NAALAD2: variants seen among roughly 807,000 people sequenced by gnomAD.
The protein encoded by NAALAD2 is N-acetylated-alpha-linked acidic dipeptidase 2.
NAALAD2 carries 89 observed loss-of-function variants against 95.6 expected under a neutral mutation model. That is an observed-to-expected ratio of 0.93 (90% CI 0.78 to 1.11). The LOEUF is 1.11. Ranked by LOEUF, NAALAD2 falls within the 50% of genes least tolerant of loss-of-function variation. The pLI is 0.00. For missense variants in NAALAD2, 894 were observed against 872.4 expected (o/e 1.02, Z -0.31); for synonymous variants, 264 against 294.4 (o/e 0.90, Z 1.06).
chr11:90,169,237 G>T, intron 12 of NAALAD2: 1 of 335,848 alleles, frequency 3.0e-6, no homozygotes, highest in Non-Finnish European at 5.3e-6. Flanking sequence ...TAATTTCTTT[G>T]ATATATTTAC....
At position 90,192,223 on chromosome 11, in the gene NAALAD2, A is replaced by G. The variant is rs759858135; in HGVS notation, c.*476A>G. On this transcript the variant is annotated 3_prime_UTR_variant, in exon 19 of 19. Coordinates refer to ENST00000534061, the MANE Select transcript of NAALAD2 (RefSeq NM_005467.4). ...CAACTTAAAAGCGTAAAAACCCCAAATGTCCATCCACAGACGAATGTATAA... is the reference window on the plus strand; with the variant it reads ...CAACTTAAAAGCGTAAAAACCCCAAGTGTCCATCCACAGACGAATGTATAA... 6.6e-6 allele frequency: 1 copy of G among 152,076 alleles called. No homozygotes were observed. The highest frequency in any genetic ancestry group is 1.5e-5 in the Non-Finnish European group (1 of 67,934). 9.4% of individuals were successfully genotyped at this position (152,076 alleles called of 1,614,324 possible).
rs780552643 is a variant in NAALAD2, at chr11:90,191,686, A to G, written c.2162A>G (p.His721Arg). Residue 721 changes from histidine (H) to arginine (R), a missense_variant, in exon 19 of 19, where the codon CAT becomes CGT. By Grantham distance (29) the His-to-Arg change is conservative. Coordinates refer to ENST00000534061, the MANE Select transcript of NAALAD2 (RefSeq NM_005467.4). ...TTGGCCTGGAAAGAAGTAAAGAAACATATTTCTATTGCAGCTTTTACAATT... is the reference window on the plus strand; with the variant it reads ...TTGGCCTGGAAAGAAGTAAAGAAACGTATTTCTATTGCAGCTTTTACAATT... ...SRLAWKEVKK[H>R]ISIAAFTIQA... The G allele has an allele frequency of 2.5e-5, 40 of 1,602,396 alleles. No homozygotes were observed. The Admixed American group carries it at 6.2e-4, about 25-fold the overall frequency.
chr11:90,191,739 GTAT>G lies in NAALAD2; in HGVS notation c.2219_2221del (p.Leu740del). On this transcript the variant is annotated inframe_deletion, in exon 19 of 19. Transcript: ENST00000534061. ...AGCAGCAGCAGGAACTCTGAAAGAA[GTAT>G]TATAGAAGGTCTCAAGTGGCTAGCC... The G allele has an allele frequency of 1.3e-6, 2 of 1,574,302 alleles. No homozygotes were observed. The highest frequency in any genetic ancestry group is 1.7e-6 in the Non-Finnish European group (2 of 1,161,366).
intron 6 of NAALAD2, among the ~76,000 whole-genome samples, chr11:90,155,488 T>TATAATATATTATATATAATTATATATA (rs1253944784): frequency 3.5e-5 from 4 of 114,098 alleles, no homozygotes; most frequent in African/African-American, 1.4e-4. Context: ...ATATATTATA[T>TATAATATATTATATATAATTATATATA]ATAATATATT....
chr11:90,145,342 CA>C (rs1275909367), intron 2 of NAALAD2, among the ~76,000 whole-genome samples: 29 of 152,058 alleles, frequency 1.9e-4, no homozygotes, highest in Non-Finnish European at 5.9e-5. Context: ...TATTTCATTT[CA>C]GGGGGTTCTT....
At chr11:90,132,644 T>G (rs1177381324), upstream of NAALAD2, among the ~76,000 whole-genome samples, 1 of 152,256 alleles carries the variant, frequency 6.6e-6, no homozygotes, top group Non-Finnish European at 1.5e-5. Context: ...TATTTCATAA[T>G]GTCACACATA....
chr11:90,163,446 T>G lies in NAALAD2; in HGVS notation c.1195+17T>G, dbSNP rs1392769206. On this transcript the variant is annotated intron_variant, in intron 10 of 18. Coordinates refer to ENST00000534061, the MANE Select transcript of NAALAD2 (RefSeq NM_005467.4). Reference sequence around the variant, plus strand: ...TGAGTAAAGGTAAACAACCTTTCTTTCCTAGGTGATGACAAAAAGTGACTT... The same window carrying G: ...TGAGTAAAGGTAAACAACCTTTCTTGCCTAGGTGATGACAAAAAGTGACTT... The G allele has an allele frequency of 6.2e-7, 1 of 1,613,620 alleles. No individual in the cohort carries two copies. The highest frequency in any genetic ancestry group is 2.2e-5 in the East Asian group (1 of 44,768).
chr11:90,164,548 C>A (rs533810611), intron 11 of NAALAD2, among the ~76,000 whole-genome samples: 6 of 152,112 alleles, frequency 3.9e-5, no homozygotes, highest in Non-Finnish European at 5.9e-5. Flanking sequence ...AATAAACACA[C>A]AATTTGTGAT....
chr11:90,147,627 TCCAC>T, intron 3 of NAALAD2, 111 bp downstream of exon 3: 3 of 975,908 alleles, frequency 3.1e-6, no homozygotes, highest in Non-Finnish European at 4.5e-6. Flanking sequence ...TTATTCAGTA[TCCAC>T]TATGTGTTCG....
At position 90,191,667 on chromosome 11, in the gene NAALAD2, T is replaced by G; in HGVS notation, c.2143T>G (p.Trp715Gly). The change falls in exon 19 of 19, where the codon TGG becomes GGG. Residue 715 changes from tryptophan to glycine, a missense_variant. Trp to Gly is a radical substitution (Grantham distance 184). Transcript: ENST00000534061. The stretch of plus-strand genomic sequence containing the variant: ...AAATAAAGCCAACTCTCGTTTGGCC[T>G]GGAAAGAAGTAAAGAAACATATTTC... ...IENKANSRLA[W>G]KEVKKHISIA... is the part of the protein sequence containing the mutation. 7.5e-6 allele frequency: 12 copies of G among 1,603,106 alleles called. No individual in the cohort carries two copies. Among genetic ancestry groups the G allele is most frequent in the Non-Finnish European group, 1.0e-5 (12 of 1,174,964 alleles).
chr11:90,191,741 A>G lies in NAALAD2; in HGVS notation c.2217A>G (p.Val739=). Reference sequence around the variant, plus strand: ...CAGCAGCAGGAACTCTGAAAGAAGTATTATAGAAGGTCTCAAGTGGCTAGC... The same window carrying G: ...CAGCAGCAGGAACTCTGAAAGAAGTGTTATAGAAGGTCTCAAGTGGCTAGC... ...IQAAAGTLKE[V]L is the part of the protein sequence containing the mutation. Residue 739 remains valine, a synonymous_variant, in exon 19 of 19, where the codon GTA becomes GTG. Coordinates refer to ENST00000534061, the MANE Select transcript of NAALAD2 (RefSeq NM_005467.4). 3.8e-6 allele frequency: 6 copies of G among 1,564,450 alleles called. No homozygotes were observed. The highest frequency in any genetic ancestry group is 4.3e-6 in the Non-Finnish European group (5 of 1,156,476).
At chr11:90,190,244 A>G (rs777897076) in intron 18 of NAALAD2, among the ~76,000 whole-genome samples, 7 of 152,226 alleles carry the variant, frequency 4.6e-5, no homozygotes, top group Non-Finnish European at 7.3e-5. Context: ...CATTTTTAAG[A>G]TAACAGGCAC....
intron 11 of NAALAD2, among the ~76,000 whole-genome samples, chr11:90,164,590 TTAA>T (rs112718992): frequency 1.8e-4 from 27 of 152,206 alleles, no homozygotes; most frequent in East Asian, 3.9e-4. Context: ...TTATCATGTA[TTAA>T]TAATAATAAT....
chr11:90,148,953 T>A (rs945041817), intron 3 of NAALAD2, 53 bp from the exon 4 acceptor site: 62 of 1,155,788 alleles, frequency 5.4e-5, no homozygotes, highest in Non-Finnish European at 7.5e-5. Context: ...ATGAATTATA[T>A]CTTAATAATA....
chr11:90,187,951 A>G (rs1857208066), intron 18 of NAALAD2, among the ~76,000 whole-genome samples: 1 of 152,228 alleles, frequency 6.6e-6, no homozygotes, highest in African/African-American at 2.4e-5. Context: ...AATTGAGCAA[A>G]GAATGATAGA....
intron 17 of NAALAD2, 131 bp from the exon 18 acceptor site, chr11:90,182,785 T>C: frequency 4.9e-6 from 3 of 611,042 alleles, no homozygotes; most frequent in Non-Finnish European, 8.6e-6. Context: ...CATTACTGTG[T>C]TAATATTCAT....
At chr11:90,149,150 T>G (rs1377685938) in intron 4 of NAALAD2, 43 bp downstream of exon 4, 1 of 1,312,492 alleles carries the variant, frequency 7.6e-7, no homozygotes, top group Non-Finnish European at 1.1e-6. Context: ...TAAATGGTTC[T>G]TTTGCTATGT....
intron 8 of NAALAD2, among the ~76,000 whole-genome samples, chr11:90,162,118 A>C (rs1000945233): frequency 6.6e-6 from 1 of 152,124 alleles, no homozygotes; most frequent in African/African-American, 2.4e-5. Flanking sequence ...GAAACAACGG[A>C]GGTCTCCCTA....
At chr11:90,183,984 C>T (rs1476220967) in intron 18 of NAALAD2, among the ~76,000 whole-genome samples, 2 of 152,064 alleles carry the variant, frequency 1.3e-5, no homozygotes, top group Non-Finnish European at 2.9e-5. Context: ...TGGATGTTCT[C>T]CATTTTCTCA....
Sources: allele counts gnomAD v4.1 joint callset (sites outside exome capture counted in the v4.1 genomes callset), GRCh38; gene constraint gnomAD v4.1.1; transcripts MANE v1.5; gene names NCBI Gene and HGNC (gene_info 2026-07-23, HGNC 2026-07-21).